The following RTL9 variants were observed in gnomAD, a reference collection of about 807,000 sequenced individuals.
RTL9 encodes the protein retrotransposon Gag-like protein 9.
Under a neutral mutation model 44.7 loss-of-function variants are expected in RTL9, and 19 were observed. That is an observed-to-expected ratio of 0.42 (90% CI 0.30 to 0.62). The LOEUF (loss-of-function observed/expected upper bound fraction) is 0.62. Among genes scored for constraint, RTL9 ranks in the 20% least tolerant of loss-of-function variants. The pLI is 0.16. For missense variants in RTL9, 1,105 were observed against 1,080.6 expected (o/e 1.02, Z -0.32); for synonymous variants, 407 against 398.9 (o/e 1.02, Z -0.24).
At chrX:110,445,797 A>C (rs2068905157), upstream of RTL9, among the ~76,000 whole-genome samples, 2 of 111,972 alleles carry the variant, frequency 1.8e-5, no homozygotes, top group Admixed American at 1.9e-4. Flanking sequence ...GACACCTCCT[A>C]GCCGTATTGA....
intron 1 of RTL9, among the ~76,000 whole-genome samples, chrX:110,429,734 G>A (rs998503294): frequency 2.7e-5 from 3 of 111,379 alleles, no homozygotes; most frequent in Admixed American, 9.5e-5. Flanking sequence ...CACCTGTCTC[G>A]GCCTCCCAAA....
chrX:110,392,947 T>C (rs1232943308), intron 1 of RTL9, among the ~76,000 whole-genome samples: 7 of 112,352 alleles, frequency 6.2e-5, no homozygotes, highest in Non-Finnish European at 1.3e-4. Context: ...TTAGAAAGCA[T>C]ATGGCTAAAG....
chrX:110,437,338 C>A, intron 1 of RTL9, among the ~76,000 whole-genome samples: 1 of 112,227 alleles, frequency 8.9e-6, no homozygotes, highest in East Asian at 2.8e-4. Flanking sequence ...TAAGCATTTC[C>A]TTTGTACTGG....
intron 1 of RTL9, among the ~76,000 whole-genome samples, chrX:110,428,106 C>T (rs182434153): frequency 8.9e-6 from 1 of 112,427 alleles, no homozygotes; most frequent in Admixed American, 9.4e-5. Flanking sequence ...AGGATCCCCA[C>T]CTGGCACACA....
chrX:110,401,737 A>G lies in RTL9; in HGVS notation c.-168+42821A>G, dbSNP rs944367151. On this transcript the variant is annotated intron_variant, in intron 1 of 2. Transcript: ENST00000520821. ...CTTGGCTCTGCCATTCACTGATTGCATGATTTCCCACAGTTAATCTCAGTG... is the reference window on the plus strand; with the variant it reads ...CTTGGCTCTGCCATTCACTGATTGCGTGATTTCCCACAGTTAATCTCAGTG... Among the ~76,000 whole-genome samples the G allele has an allele frequency of 5.4e-5, 6 of 111,993 alleles. No homozygotes were observed. The Admixed American group carries it at 5.7e-4, about 11-fold the overall frequency.
exon 2 of RTL9, chrX:110,455,243 T>C (rs1224102840): frequency 2.5e-6 from 3 of 1,210,683 alleles, no homozygotes; most frequent in Non-Finnish European, 3.4e-6. Context: ...TGAAAGAGCA[T>C]GGAGACCCCC....
At chrX:110,452,959 C>A (rs1228026750) in exon 1 of RTL9, 9 of 1,209,945 alleles carry the variant, frequency 7.4e-6, no homozygotes, top group Non-Finnish European at 8.9e-6. Context: ...GGAGAGAGGC[C>A]CTCACTGCTC....
chrX:110,417,461 TG>T (rs967264878), upstream of RTL9, among the ~76,000 whole-genome samples: 18 of 110,912 alleles, frequency 1.6e-4, no homozygotes, highest in African/African-American at 6.1e-4. Context: ...GTTGTAGGGG[TG>T]TGCAGACGCA....
intron 1 of RTL9, among the ~76,000 whole-genome samples, chrX:110,385,828 T>G (rs1218933539): frequency 9.0e-6 from 1 of 111,269 alleles, no homozygotes; most frequent in Non-Finnish European, 1.9e-5. Flanking sequence ...CTTCCTCCCC[T>G]GTCTAGTAGT....
chrX:110,372,158 G>A (rs1421467288), intron 1 of RTL9, among the ~76,000 whole-genome samples: 1 of 111,871 alleles, frequency 8.9e-6, no homozygotes, highest in Non-Finnish European at 1.9e-5. Context: ...TCTTATGATT[G>A]GGAATGAAGC....
intron 1 of RTL9, 99 bp downstream of exon 3, chrX:110,454,763 C>A: frequency 1.4e-6 from 1 of 734,462 alleles, no homozygotes; most frequent in Non-Finnish European, 2.0e-6. Flanking sequence ...TGGGAAGAGG[C>A]AAGGGGGAGG....
intron 1 of RTL9, among the ~76,000 whole-genome samples, chrX:110,366,751 C>A (rs768200268): frequency 8.9e-6 from 1 of 111,768 alleles, no homozygotes; most frequent in South Asian, 3.8e-4. Flanking sequence ...CCCCAGCAGC[C>A]GAATGAGATT....
At chrX:110,429,471 T>G (rs781374301) in intron 1 of RTL9, among the ~76,000 whole-genome samples, 68 of 77,854 alleles carry the variant, frequency 8.7e-4, no homozygotes, top group Admixed American at 1.6e-3. Context: ...TTTTTTTTTT[T>G]TTGTTTTGTT....
intron 1 of RTL9, among the ~76,000 whole-genome samples, chrX:110,412,317 T>C (rs899167206): frequency 1.8e-5 from 2 of 112,640 alleles, no homozygotes; most frequent in African/African-American, 6.5e-5. Flanking sequence ...GATGTTCATT[T>C]AAACATTATT....
exon 1 of RTL9, chrX:110,451,192 C>T (rs773742674): frequency 8.3e-7 from 1 of 1,211,780 alleles, no homozygotes; most frequent in South Asian, 1.8e-5. Flanking sequence ...GCAATGTCCA[C>T]ACCATTAATG....
In RTL9 at chrX:110,452,146, T is replaced by C. The variant is rs1008897092; in HGVS notation, c.1529T>C (p.Met510Thr). Residue 510 changes from methionine (M) to threonine (T), a missense_variant, in exon 1 of 2, where the codon ATG becomes ACG. Physicochemically the swap from Met to Thr is moderately conservative, Grantham distance 81. Transcript: ENST00000540313. Reference sequence around the variant, plus strand: ...AGGAGAGCTCCAACTTCTGGAGCAATGTCCACCCAACCAGTTACGGCAACA... The same window carrying C: ...AGGAGAGCTCCAACTTCTGGAGCAACGTCCACCCAACCAGTTACGGCAACA... 2.5e-6 allele frequency: 3 copies of C among 1,210,255 alleles called. No homozygotes were observed. In the African/African-American group the frequency reaches 5.2e-5, roughly 21 times the overall value.
chrX:110,412,814 AG>A (rs2068649915), intron 1 of RTL9, among the ~76,000 whole-genome samples: 1 of 112,409 alleles, frequency 8.9e-6, no homozygotes, highest in Admixed American at 9.4e-5. Flanking sequence ...ATTTTTGTTA[AG>A]GGTATTATAT....
Position 110,452,893 on chromosome X carries a change from T to G in RTL9, c.2276T>G (p.Val759Gly), listed in dbSNP as rs199958574. 4.0e-5 allele frequency: 48 copies of G among 1,209,778 alleles called. No homozygotes were observed. Among genetic ancestry groups the G allele is most frequent in the Non-Finnish European group, 5.1e-5 (46 of 895,203 alleles). Residue 759 changes from valine to glycine, a missense_variant, in exon 1 of 2, where the codon GTG becomes GGG. Coordinates refer to ENST00000540313, the Ensembl canonical transcript of RTL9. ...TCTGATGTGATGTCCACACCAACAG[T>G]GAGAGCCTGGACCTCTGAAACAATG...
rs188006839 is a variant in RTL9, at chrX:110,382,811, C to T, written c.-168+23895C>T. On this transcript the variant is annotated intron_variant, in intron 1 of 2. Coordinates refer to the RTL9 transcript ENST00000520821. ...ACGGGGCCACTGTGTTAATTAAATT[C>T]CATGTCGTTTCTCAGCTGGACCAGG... 4.5e-4 allele frequency among the ~76,000 whole-genome samples: 50 copies of T among 112,189 alleles called. No individual in the cohort carries two copies. In the Middle Eastern group the frequency reaches 0.014, roughly 31 times the overall value.
Sources: allele counts gnomAD v4.1 joint callset (sites outside exome capture counted in the v4.1 genomes callset), GRCh38; gene constraint gnomAD v4.1.1; transcripts MANE v1.5; gene names NCBI Gene and HGNC (gene_info 2026-07-23, HGNC 2026-07-21).